Variants in THEM4 observed in about 807,000 individuals in gnomAD.
THEM4 encodes thioesterase superfamily member 4, also known as acyl-coenzyme A thioesterase THEM4.
THEM4 carries 22 observed loss-of-function variants against 25.0 expected under a neutral mutation model. The ratio of observed to expected loss-of-function variants is 0.88; its 90% CI spans 0.63 to 1.26. The LOEUF is 1.26. THEM4 is among the 50% of genes most tolerant of loss of function. The probability of loss-of-function intolerance (pLI) is 0.00; values close to 1 mark genes in which losing one functional copy is unlikely to be tolerated. For missense variants in THEM4, 286 were observed against 300.3 expected (o/e 0.95, Z 0.35); for synonymous variants, 113 against 105.6 (o/e 1.07, Z -0.43).
In THEM4 at chr1:151,873,385, G is replaced by C. The variant is rs1355132632; in HGVS notation, c.*1503C>G. Among the ~76,000 whole-genome samples, 1 of 152,108 alleles carries C rather than the reference G, an allele frequency of 6.6e-6. No individual in the cohort carries two copies. Among genetic ancestry groups the C allele is most frequent in the East Asian group, 1.9e-4 (1 of 5,154 alleles). ...TCTGTATGCTGAGCACCGGTCCCCT[G>C]GGCCCAGGGTTCTTTCTTTATACTT... On this transcript the variant is annotated 3_prime_UTR_variant, in exon 6 of 6. Coordinates refer to ENST00000368814, the MANE Select transcript of THEM4 (RefSeq NM_053055.5).
At chr1:151,894,949 C>G in intron 2 of THEM4, 59 bp downstream of exon 2, 1 of 1,552,962 alleles carries the variant, frequency 6.4e-7, no homozygotes, top group Non-Finnish European at 8.9e-7. Context: ...GTACTTCAAT[C>G]TGTTCTTAGC....
At chr1:151,883,123 T>TTTATTTAC (rs1653884112) in intron 4 of THEM4, among the ~76,000 whole-genome samples, 1 of 150,962 alleles carries the variant, frequency 6.6e-6, no homozygotes, top group South Asian at 2.1e-4. Flanking sequence ...TATTTATTTA[T>TTTATTTAC]TTATTTATTT....
intron 1 of THEM4, among the ~76,000 whole-genome samples, chr1:151,906,375 G>C (rs1447539329): frequency 6.6e-6 from 1 of 152,264 alleles, no homozygotes; most frequent in African/African-American, 2.4e-5. Flanking sequence ...CCTTCTGGCG[G>C]GGCAGGGCTC....
intron 4 of THEM4, among the ~76,000 whole-genome samples, chr1:151,882,203 C>A (rs985034357): frequency 4.0e-5 from 6 of 151,256 alleles, no homozygotes; most frequent in Non-Finnish European, 7.4e-5. Context: ...TGGCAAAAAC[C>A]CATGTTTACT....
chr1:151,889,751 AAGG>A (rs896805793), intron 2 of THEM4: 2 of 167,840 alleles, frequency 1.2e-5, no homozygotes, highest in South Asian at 1.6e-4. Flanking sequence ...ATGTAACAGA[AAGG>A]AGGTTTCCCT....
intron 4 of THEM4, among the ~76,000 whole-genome samples, chr1:151,884,202 T>TA (rs1386841575): frequency 6.6e-6 from 1 of 151,736 alleles, no homozygotes; most frequent in South Asian, 2.1e-4. Context: ...AGCTTCTGAT[T>TA]AAAAAAAATA....
At chr1:151,907,170 TAA>T (rs1324103568) in intron 1 of THEM4, among the ~76,000 whole-genome samples, 1 of 151,964 alleles carries the variant, frequency 6.6e-6, no homozygotes, top group Non-Finnish European at 1.5e-5. Flanking sequence ...CGTGCTGCCT[TAA>T]GAGCTATAAC....
intron 2 of THEM4, chr1:151,891,265 T>C (rs1414017907): frequency 2.0e-5 from 3 of 152,218 alleles, no homozygotes; most frequent in African/African-American, 7.2e-5. Flanking sequence ...AGCATTGGAA[T>C]AACATGATGA....
chr1:151,877,482 G>C (rs1653709233), intron 4 of THEM4, among the ~76,000 whole-genome samples: 2 of 152,204 alleles, frequency 1.3e-5, no homozygotes, highest in South Asian at 4.1e-4. Flanking sequence ...AGTGAAAATA[G>C]GGCCAACAGA....
chr1:151,885,204 C>T (rs529169997), intron 4 of THEM4, among the ~76,000 whole-genome samples: 1 of 151,930 alleles, frequency 6.6e-6, no homozygotes, highest in East Asian at 1.9e-4. Context: ...CTGCAGCCTC[C>T]ATCTCCCAGG....
At chr1:151,889,172 T>C (rs1404732201) in intron 3 of THEM4, 42 bp downstream of exon 3, 4 of 1,591,660 alleles carry the variant, frequency 2.5e-6, no homozygotes, top group South Asian at 2.2e-5. Flanking sequence ...CAGTGTAAGA[T>C]AAAAATCTTT....
intron 1 of THEM4, among the ~76,000 whole-genome samples, chr1:151,899,883 A>C (rs1304170917): frequency 6.6e-6 from 1 of 152,224 alleles, no homozygotes; most frequent in East Asian, 1.9e-4. Flanking sequence ...GACAAAGGAA[A>C]GAATCTTAAG....
At chr1:151,897,195 A>G (rs1654245279) in intron 1 of THEM4, among the ~76,000 whole-genome samples, 1 of 152,176 alleles carries the variant, frequency 6.6e-6, no homozygotes, top group African/African-American at 2.4e-5. Context: ...AGAAGCTATT[A>G]ACTCCATGGC....
chr1:151,874,689 A>G lies in THEM4; in HGVS notation c.*199T>C, dbSNP rs1468180038. The G allele has an allele frequency of 4.7e-6, 3 of 636,204 alleles. No homozygotes were observed. In the Admixed American group the frequency reaches 7.9e-5, roughly 17 times the overall value. The allele number at this position is 636,204 out of a possible 1,614,324, so 39.4% of individuals were successfully genotyped here. A position where few individuals can be genotyped will look rare whatever the true frequency, so the allele number is the denominator to read the frequency against. ...AGCGCCTGGCCCGAGAGTTGTCGAT[A>G]TGCTCGCAGGAAGTATTTCTGTGTT... On this transcript the variant is annotated 3_prime_UTR_variant, in exon 6 of 6. Coordinates refer to ENST00000368814, the MANE Select transcript of THEM4 (RefSeq NM_053055.5).
At chr1:151,907,570 A>T (rs1654499233) in intron 1 of THEM4, among the ~76,000 whole-genome samples, 1 of 151,968 alleles carries the variant, frequency 6.6e-6, no homozygotes, top group South Asian at 2.1e-4. Flanking sequence ...CAGCTTTTGG[A>T]TGTTAGTCCG....
At chr1:151,880,612 A>G (rs915407211) in intron 4 of THEM4, among the ~76,000 whole-genome samples, 1 of 152,146 alleles carries the variant, frequency 6.6e-6, no homozygotes, top group Non-Finnish European at 1.5e-5. Context: ...ATTATTACCT[A>G]CTATTGAACT....
chr1:151,889,867 G>A (rs1333323125), intron 2 of THEM4: 1 of 156,626 alleles, frequency 6.4e-6, no homozygotes, highest in East Asian at 1.9e-4. Flanking sequence ...GAACCATTAG[G>A]GTTCATGAAA....
At position 151,875,044 on chromosome 1, in the gene THEM4, G is replaced by C. The variant is rs1016467067; in HGVS notation, c.683-116C>G. On this transcript the variant is annotated intron_variant, in intron 5 of 5. Transcript: ENST00000368814. ...GATTTGATTCACATTTGTAGCTTCA[G>C]TCTATCTGTCCACTCTCATTTTTCA... 4.7e-6 allele frequency: 4 copies of C among 848,864 alleles called. No homozygotes were observed. The South Asian group carries it at 5.8e-5, about 12-fold the overall frequency. The allele number at this position is 848,864 out of a possible 1,614,324, so 52.6% of individuals were successfully genotyped here.
chr1:151,901,679 C>G (rs531786883), intron 1 of THEM4, among the ~76,000 whole-genome samples: 1 of 152,136 alleles, frequency 6.6e-6, no homozygotes, highest in Non-Finnish European at 1.5e-5. Context: ...CCAGTCTCTA[C>G]TAAAAATACA....
Sources: allele counts gnomAD v4.1 joint callset (sites outside exome capture counted in the v4.1 genomes callset), GRCh38; gene constraint gnomAD v4.1.1; transcripts MANE v1.5; gene names NCBI Gene and HGNC (gene_info 2026-07-23, HGNC 2026-07-21).